CCDC172: variants seen among roughly 807,000 people sequenced by gnomAD.
CCDC172 encodes coiled-coil domain-containing protein 172.
A neutral mutation model predicts 38.0 loss-of-function variants in CCDC172; 30 were observed. The ratio of observed to expected loss-of-function variants is 0.79; its 90% confidence interval spans 0.59 to 1.07. The LOEUF (loss-of-function observed/expected upper bound fraction) is 1.07, where lower values mean the gene tolerates loss of function less well. Ranked by LOEUF, CCDC172 falls within the 50% of genes least tolerant of loss-of-function variation. The pLI, the probability that CCDC172 is intolerant of heterozygous loss-of-function variation, is 0.00. For synonymous variants in CCDC172, 78 were observed against 88.3 expected (o/e 0.88, Z 0.66); for missense variants, 297 against 290.1 (o/e 1.02, Z -0.17).
chr10:116,329,954 G>C (rs550019282), intron 3 of CCDC172, among the ~76,000 whole-genome samples: 1 of 152,178 alleles, frequency 6.6e-6, no homozygotes, highest in Non-Finnish European at 1.5e-5. Context: ...TACATCTAAA[G>C]TACTTTTATA....
intron 5 of CCDC172, among the ~76,000 whole-genome samples, chr10:116,347,914 T>C (rs2097607099): frequency 6.6e-6 from 1 of 152,154 alleles, no homozygotes; most frequent in Admixed American, 6.5e-5. Flanking sequence ...ATGTAATAAA[T>C]TTTATTTATA....
chr10:116,346,554 T>C (rs1393890340), intron 5 of CCDC172, among the ~76,000 whole-genome samples: 1 of 152,070 alleles, frequency 6.6e-6, no homozygotes, highest in Non-Finnish European at 1.5e-5. Context: ...GTACAGTTTC[T>C]TGCCTGTGGG....
In CCDC172 at chr10:116,368,788, A is replaced by G. The variant is rs139217147; in HGVS notation, c.654-9635A>G. 2.5e-3 allele frequency among the ~76,000 whole-genome samples: 378 copies of G among 152,144 alleles called. 1 individual carries two copies. The highest frequency in any genetic ancestry group is 3.4e-3 in the Non-Finnish European group (228 of 67,932). On this transcript the variant is annotated intron_variant, in intron 7 of 8. Coordinates refer to ENST00000333254, the MANE Select transcript of CCDC172 (RefSeq NM_198515.3). ...CTTCTAAGCACTTTAAGTGGACACA[A>G]CTAAAATTACCATTTTTAAATGGTA... is the stretch of plus-strand genomic sequence containing the variant.
rs1172740742 is a variant in CCDC172, at chr10:116,353,961, A to G, written c.449-3419A>G. Among the ~76,000 whole-genome samples, 5 of 152,184 alleles carry G rather than the reference A, an allele frequency of 3.3e-5. No homozygotes were observed. The South Asian group carries it at 6.2e-4, about 19-fold the overall frequency. On this transcript the variant is annotated intron_variant, in intron 5 of 8. Coordinates refer to ENST00000333254, the MANE Select transcript of CCDC172 (RefSeq NM_198515.3). ...CCGTTTCTCAAAGCATTAAACCTAGAGTTACCATATGATTCAATGATTCCA... is the reference window on the plus strand; with the variant it reads ...CCGTTTCTCAAAGCATTAAACCTAGGGTTACCATATGATTCAATGATTCCA...
chr10:116,376,351 G>T (rs1845243565), intron 7 of CCDC172, among the ~76,000 whole-genome samples: 1 of 152,124 alleles, frequency 6.6e-6, no homozygotes, highest in African/African-American at 2.4e-5. Flanking sequence ...TTAGGTTTGG[G>T]AGAGCAATGT....
chr10:116,339,660 A>G (rs372945075), intron 3 of CCDC172, among the ~76,000 whole-genome samples: 1 of 152,088 alleles, frequency 6.6e-6, no homozygotes, highest in African/African-American at 2.4e-5. Flanking sequence ...CAGATGGGCT[A>G]CGATCTTATA....
intron 3 of CCDC172, among the ~76,000 whole-genome samples, chr10:116,339,185 C>T (rs547897603): frequency 3.0e-4 from 45 of 152,012 alleles, no homozygotes; most frequent in Admixed American, 7.9e-4. Flanking sequence ...ATTATCTTTT[C>T]ATTACTTTGA....
intron 7 of CCDC172, among the ~76,000 whole-genome samples, chr10:116,359,668 C>T (rs989975761): frequency 3.3e-5 from 5 of 152,136 alleles, no homozygotes; most frequent in Admixed American, 3.3e-4. Flanking sequence ...AGTTGAGAAC[C>T]AGCTTTATTT....
intron 5 of CCDC172, among the ~76,000 whole-genome samples, chr10:116,351,869 G>A (rs1321998447): frequency 1.3e-5 from 2 of 152,116 alleles, no homozygotes; most frequent in African/African-American, 4.8e-5. Flanking sequence ...AACAAAGATT[G>A]GAATTTAGGG....
At chr10:116,346,432 A>C (rs1045974151) in intron 5 of CCDC172, among the ~76,000 whole-genome samples, 5 of 152,170 alleles carry the variant, frequency 3.3e-5, no homozygotes, top group African/African-American at 1.2e-4. Flanking sequence ...GATTAAAAGA[A>C]GCTAGACACA....
Position 116,357,775 on chromosome 10 carries a change from AATAAAG to A in CCDC172, c.551-56_551-51del, listed in dbSNP as rs1428765119. 3 of 901,638 alleles carry A rather than the reference AATAAAG, an allele frequency of 3.3e-6. No homozygotes were observed. The Admixed American group carries it at 8.5e-5, about 25-fold the overall frequency. 55.9% of individuals were successfully genotyped at this position (901,638 alleles called of 1,614,324 possible). A position where few individuals can be genotyped will look rare whatever the true frequency, so the allele number is the denominator to read the frequency against. ...AATTAGAGTACTGTTCTTATGAGTG[AATAAAG>A]ATAATCTTTATGTTTAATTTTCAAA... is the stretch of plus-strand genomic sequence containing the variant. On this transcript the variant is annotated intron_variant, in intron 6 of 8. Coordinates refer to ENST00000333254, the MANE Select transcript of CCDC172 (RefSeq NM_198515.3).
At chr10:116,354,173 C>T (rs182169772) in intron 5 of CCDC172, among the ~76,000 whole-genome samples, 8 of 152,116 alleles carry the variant, frequency 5.3e-5, no homozygotes, top group Admixed American at 2.0e-4. Flanking sequence ...TTTTTGTGAT[C>T]GCAGTGTAAA....
intron 7 of CCDC172, among the ~76,000 whole-genome samples, chr10:116,376,310 C>T (rs542126575): frequency 3.3e-4 from 51 of 152,300 alleles, no homozygotes; most frequent in African/African-American, 1.1e-3. Flanking sequence ...TTGATCTACA[C>T]TTCTCACTTT....
intron 7 of CCDC172, among the ~76,000 whole-genome samples, chr10:116,376,777 T>A (rs7087914): frequency 0.23 from 34,430 of 152,022 alleles, 5,814 homozygotes; most frequent in African/African-American, 0.44. Context: ...TACTCAATAG[T>A]TACAGGAAGA....
chr10:116,331,275 C>T (rs1025408716), intron 3 of CCDC172, among the ~76,000 whole-genome samples: 23 of 152,092 alleles, frequency 1.5e-4, no homozygotes, highest in Non-Finnish European at 3.1e-4. Context: ...AAGAAATTCT[C>T]AATAATTTTT....
intron 5 of CCDC172, among the ~76,000 whole-genome samples, chr10:116,352,083 G>A (rs1316926391): frequency 2.0e-5 from 3 of 152,056 alleles, no homozygotes; most frequent in Non-Finnish European, 4.4e-5. Flanking sequence ...AGCTCATATG[G>A]GAATGGAAGA....
At chr10:116,349,564 T>G (rs997793709) in intron 5 of CCDC172, among the ~76,000 whole-genome samples, 4 of 152,196 alleles carry the variant, frequency 2.6e-5, no homozygotes, top group African/African-American at 9.6e-5. Context: ...ATTACACACT[T>G]GTATGATTAT....
chr10:116,376,858 A>G (rs1845251530), intron 7 of CCDC172, among the ~76,000 whole-genome samples: 1 of 152,124 alleles, frequency 6.6e-6, no homozygotes, highest in South Asian at 2.1e-4. Flanking sequence ...AATTCCAGGG[A>G]GAGAGGAGGT....
chr10:116,350,566 T>C (rs985789860), intron 5 of CCDC172, among the ~76,000 whole-genome samples: 4 of 152,230 alleles, frequency 2.6e-5, no homozygotes, highest in Non-Finnish European at 5.9e-5. Flanking sequence ...AAACAGTTCA[T>C]CACTTTTGGC....
Sources: allele counts gnomAD v4.1 joint callset (sites outside exome capture counted in the v4.1 genomes callset), GRCh38; gene constraint gnomAD v4.1.1; transcripts MANE v1.5; gene names NCBI Gene and HGNC (gene_info 2026-07-23, HGNC 2026-07-21).